FBXL17: variants seen among roughly 807,000 people sequenced by gnomAD.
FBXL17 encodes F-box/LRR-repeat protein 17.
FBXL17 carries 22 observed loss-of-function variants against 66.2 expected under a neutral mutation model. The observed-to-expected ratio is 0.33, with a 90% CI of 0.24 to 0.47. FBXL17 has a LOEUF of 0.47. Among genes scored for constraint, FBXL17 ranks in the 20% least tolerant of loss-of-function variants. The pLI is 1.00. For synonymous variants in FBXL17, 474 were observed against 400.5 expected, an observed-to-expected ratio of 1.18 and a Z score of -2.19; for missense variants, 878 against 948.2, an observed-to-expected ratio of 0.93 and a Z score of 0.97.
At chr5:108,078,500 T>G (rs1748639644) in intron 6 of FBXL17, among the ~76,000 whole-genome samples, 1 of 152,192 alleles carries the variant, frequency 6.6e-6, no homozygotes, top group Non-Finnish European at 1.5e-5. Flanking sequence ...AAAGCTGTCT[T>G]TTGTGAGGGA....
At chr5:108,319,249 A>G (rs1759509354) in intron 4 of FBXL17, among the ~76,000 whole-genome samples, 1 of 151,902 alleles carries the variant, frequency 6.6e-6, no homozygotes, top group African/African-American at 2.4e-5. Context: ...AAAGCAAAAT[A>G]CCAAGTCATT....
At chr5:108,167,928 A>G (rs1752471768) in intron 6 of FBXL17, among the ~76,000 whole-genome samples, 1 of 152,194 alleles carries the variant, frequency 6.6e-6, no homozygotes, top group Non-Finnish European at 1.5e-5. Context: ...TCAGAAACGG[A>G]AAGACTCATT....
chr5:108,184,130 G>A (rs1677769896), intron 6 of FBXL17, among the ~76,000 whole-genome samples: 1 of 152,082 alleles, frequency 6.6e-6, no homozygotes. Flanking sequence ...TTAAAAAGGG[G>A]AGGCCAGGCA....
chr5:108,234,488 T>G (rs1418679143), intron 4 of FBXL17, among the ~76,000 whole-genome samples: 1 of 152,216 alleles, frequency 6.6e-6, no homozygotes, highest in Non-Finnish European at 1.5e-5. Flanking sequence ...ATGCTTTGTA[T>G]GTTATACCAA....
intron 8 of FBXL17, among the ~76,000 whole-genome samples, chr5:107,864,265 T>C (rs1232050890): frequency 6.6e-6 from 1 of 152,208 alleles, no homozygotes; most frequent in East Asian, 1.9e-4. Context: ...ACCAATTCTC[T>C]ATAGCATTAA....
At chr5:108,373,297 A>AATATATATCTAAATATATTAATATAAAT (rs1324300994) in intron 1 of FBXL17, among the ~76,000 whole-genome samples, 34 of 144,922 alleles carry the variant, frequency 2.3e-4, no homozygotes, top group Non-Finnish European at 4.2e-4. Context: ...ATATAAATAT[A>AATATATATCTAAATATATTAATATAAAT]ATATATATCT....
chr5:108,349,393 T>C (rs906274809), intron 3 of FBXL17, among the ~76,000 whole-genome samples: 3 of 152,134 alleles, frequency 2.0e-5, no homozygotes, highest in Admixed American at 2.0e-4. Flanking sequence ...TGCCTATGAA[T>C]CTTCTCTAAT....
At position 107,871,057 on chromosome 5, in the gene FBXL17, C is replaced by CAAAAAAAAAAAAAAAAAAAAAAA. The variant is rs201752049; in HGVS notation, c.1966-9198_1966-9197insTTTTTTTTTTTTTTTTTTTTTTT. 2.9e-4 allele frequency among the ~76,000 whole-genome samples: 19 copies of CAAAAAAAAAAAAAAAAAAAAAAA among 65,888 alleles called. 1 individual carries two copies. Among genetic ancestry groups the CAAAAAAAAAAAAAAAAAAAAAAA allele is most frequent in the African/African-American group, 9.0e-4 (12 of 13,320 alleles). 43.2% of individuals were successfully genotyped at this position (65,888 alleles called of 152,430 possible). ...GGTAAGAAATATTACTCTTGGGCGG[C>CAAAAAAAAAAAAAAAAAAAAAAA]AAAAAAAAAAAAAAAAAAAAAACCT... On this transcript the variant is annotated intron_variant, in intron 8 of 8. Coordinates refer to ENST00000542267, the MANE Select transcript of FBXL17 (RefSeq NM_001163315.3).
At chr5:108,279,986 A>G (rs1018027229) in intron 4 of FBXL17, among the ~76,000 whole-genome samples, 2 of 152,114 alleles carry the variant, frequency 1.3e-5, no homozygotes, top group Non-Finnish European at 2.9e-5. Flanking sequence ...ATGTGAAGCA[A>G]CTGAACTTAT....
At chr5:108,340,615 G>A (rs1403558454) in intron 4 of FBXL17, among the ~76,000 whole-genome samples, 2 of 152,080 alleles carry the variant, frequency 1.3e-5, no homozygotes, top group Non-Finnish European at 2.9e-5. Context: ...GATACATAAA[G>A]AATGGCATCA....
intron 4 of FBXL17, among the ~76,000 whole-genome samples, chr5:108,283,142 CA>C (rs201580377): frequency 0.013 from 2,014 of 151,016 alleles, 54 homozygotes; most frequent in African/African-American, 0.047. Context: ...TACACAAGTA[CA>C]AAAAAAATCC....
chr5:108,286,798 G>A (rs778487238), intron 4 of FBXL17, among the ~76,000 whole-genome samples: 13 of 151,822 alleles, frequency 8.6e-5, no homozygotes, highest in Non-Finnish European at 1.2e-4. Flanking sequence ...TAAAATTGGT[G>A]TGGAACCAAA....
chr5:108,044,802 G>A (rs948861774), intron 6 of FBXL17, among the ~76,000 whole-genome samples: 9 of 151,830 alleles, frequency 5.9e-5, no homozygotes, highest in African/African-American at 2.2e-4. Flanking sequence ...TTAAATTATC[G>A]ATGCAATTTC....
At chr5:108,161,111 GT>G (rs954289406) in intron 6 of FBXL17, among the ~76,000 whole-genome samples, 2 of 152,002 alleles carry the variant, frequency 1.3e-5, no homozygotes, top group Non-Finnish European at 2.9e-5. Context: ...TGTTAAGAGA[GT>G]CCCGGGAGAA....
intron 7 of FBXL17, among the ~76,000 whole-genome samples, chr5:107,996,339 G>A (rs137955045): frequency 0.012 from 1,858 of 152,160 alleles, 39 homozygotes; most frequent in African/African-American, 0.04. Context: ...GTTGGAGACC[G>A]AGTCTCCCTG....
intron 7 of FBXL17, among the ~76,000 whole-genome samples, chr5:107,996,583 G>A (rs1261470656): frequency 6.6e-6 from 1 of 152,148 alleles, no homozygotes; most frequent in African/African-American, 2.4e-5. Context: ...CAAAGTGTTG[G>A]GAATACAGGC....
At chr5:108,068,613 G>A (rs574855946) in intron 6 of FBXL17, among the ~76,000 whole-genome samples, 2 of 152,068 alleles carry the variant, frequency 1.3e-5, no homozygotes, top group East Asian at 1.9e-4. Flanking sequence ...GTGCCACCAT[G>A]CCCAGCTAAT....
intron 4 of FBXL17, among the ~76,000 whole-genome samples, chr5:108,304,351 A>T (rs1364682922): frequency 6.6e-6 from 1 of 151,928 alleles, no homozygotes; most frequent in East Asian, 1.9e-4. Flanking sequence ...CAGTAATTCA[A>T]CCCAGAAGGT....
At chr5:107,881,009 A>C (rs771535657) in intron 8 of FBXL17, 28 bp downstream of exon 8, 1 of 1,614,132 alleles carries the variant, frequency 6.2e-7, no homozygotes, top group Non-Finnish European at 8.5e-7. Flanking sequence ...ATATGTAGAA[A>C]GCAAACAACT....
Sources: gnomAD v4.1 joint callset for allele counts (sites outside exome capture counted in the v4.1 genomes callset) on GRCh38, gnomAD v4.1.1 for gene constraint, MANE v1.5 for transcripts, NCBI Gene and HGNC (gene_info 2026-07-23, HGNC 2026-07-21) for gene names.